PTPRN2: variants seen among roughly 807,000 people sequenced by gnomAD.
The protein encoded by PTPRN2 is protein tyrosine phosphatase receptor type N2.
Under a neutral mutation model 118.8 loss-of-function variants are expected in PTPRN2, and 74 were observed. That is an observed-to-expected ratio of 0.62 (90% confidence interval 0.52 to 0.76). The LOEUF (loss-of-function observed/expected upper bound fraction) is 0.76. PTPRN2 is among the 30% of genes least tolerant of loss of function. The pLI is 0.00. For synonymous variants in PTPRN2, 641 were observed against 608.0 expected, an observed-to-expected ratio of 1.05 and a Z score of -0.80; for missense variants, 1,481 against 1,394.4, an observed-to-expected ratio of 1.06 and a Z score of -0.99.
chr7:157,634,585 T>C lies in PTPRN2; in HGVS notation c.2197-13076A>G, dbSNP rs377488931. Among the ~76,000 whole-genome samples, 162 of 152,284 alleles carry C rather than the reference T, an allele frequency of 1.1e-3. 1 individual carries two copies. The South Asian group carries it at 0.017, about 16-fold the overall frequency. ...GTGCCTGTGTGCACACAGGGCTGCG[T>C]TGTCAATGCATCGCGACCGGGCATG... On this transcript the variant is annotated intron_variant, in intron 14 of 22. Transcript: ENST00000389418.
intron 3 of PTPRN2, among the ~76,000 whole-genome samples, chr7:158,277,022 G>A (rs147067155): frequency 7.1e-4 from 108 of 152,268 alleles, no homozygotes; most frequent in Middle Eastern, 3.4e-3. Context: ...CTGACTGGTC[G>A]GACCCTGCAA....
intron 4 of PTPRN2, among the ~76,000 whole-genome samples, chr7:158,192,933 C>T (rs1201990650): frequency 2.6e-5 from 4 of 152,116 alleles, no homozygotes; most frequent in Non-Finnish European, 5.9e-5. Context: ...AGGAAGGTGG[C>T]GGCCCAGAAG....
chr7:157,810,215 T>C (rs1012846513), intron 12 of PTPRN2, among the ~76,000 whole-genome samples: 3 of 152,252 alleles, frequency 2.0e-5, no homozygotes, highest in Non-Finnish European at 2.9e-5. Flanking sequence ...AAGCAAAGGC[T>C]GCGGACAGTG....
At chr7:157,852,863 C>CAAAA (rs58298308) in intron 12 of PTPRN2, among the ~76,000 whole-genome samples, 3,959 of 102,356 alleles carry the variant, frequency 0.039, 128 homozygotes, top group Middle Eastern at 0.067. Context: ...GCAAGTCTCT[C>CAAAA]AAAAAAAAAA....
At chr7:158,580,592 C>T (rs544420439) in intron 1 of PTPRN2, among the ~76,000 whole-genome samples, 2 of 152,246 alleles carry the variant, frequency 1.3e-5, no homozygotes, top group South Asian at 4.1e-4. Flanking sequence ...GTCCCTGAAC[C>T]AACCCCCTGC....
At position 157,578,880 on chromosome 7, in the gene PTPRN2, T is replaced by G. The variant is rs571752135; in HGVS notation, c.2497-740A>C. On this transcript the variant is annotated intron_variant, in intron 17 of 22. Coordinates refer to ENST00000389418, the MANE Select transcript of PTPRN2 (RefSeq NM_002847.5). ...CCACTAATCCTGTGGGGCACACTGA[T>G]GTGGCATTTGTAGATTTTTATTAGC... Among the ~76,000 whole-genome samples, 177 of 152,374 alleles carry G rather than the reference T, an allele frequency of 1.2e-3. 1 individual carries two copies. Among genetic ancestry groups the G allele is most frequent in the Admixed American group, 5.7e-3 (87 of 15,310 alleles).
At chr7:158,109,235 G>T (rs1236996740) in intron 10 of PTPRN2, among the ~76,000 whole-genome samples, 1 of 150,348 alleles carries the variant, frequency 6.7e-6, no homozygotes, top group Non-Finnish European at 1.5e-5. Context: ...TGTCACCCCT[G>T]TGTGAAGGAG....
chr7:157,810,911 C>T (rs1004289404), intron 12 of PTPRN2, among the ~76,000 whole-genome samples: 2 of 152,116 alleles, frequency 1.3e-5, no homozygotes, highest in African/African-American at 4.8e-5. Flanking sequence ...GCTCTGAAGA[C>T]TGAGCACTGA....
At chr7:157,958,576 AATC>A (rs1350057248) in intron 11 of PTPRN2, among the ~76,000 whole-genome samples, 3 of 152,212 alleles carry the variant, frequency 2.0e-5, no homozygotes, top group African/African-American at 7.2e-5. Context: ...CAGGGTATAA[AATC>A]AATATACAGA....
intron 5 of PTPRN2, among the ~76,000 whole-genome samples, chr7:158,189,741 G>C (rs1465581550): frequency 2.0e-5 from 3 of 152,192 alleles, no homozygotes; most frequent in Non-Finnish European, 4.4e-5. Context: ...CCAGCGTCTG[G>C]GGACGTGACG....
At chr7:157,961,309 A>G (rs1204562298) in intron 11 of PTPRN2, among the ~76,000 whole-genome samples, 1 of 152,104 alleles carries the variant, frequency 6.6e-6, no homozygotes, top group East Asian at 1.9e-4. Flanking sequence ...TGGCAGGTGG[A>G]TCACTTGAGG....
At chr7:158,558,951 G>A (rs1827211279) in intron 1 of PTPRN2, among the ~76,000 whole-genome samples, 2 of 152,004 alleles carry the variant, frequency 1.3e-5, no homozygotes, top group Non-Finnish European at 2.9e-5. Context: ...TTTCCAATGA[G>A]GAGGAGCTGG....
At chr7:157,675,867 G>C (rs962444082) in intron 13 of PTPRN2, among the ~76,000 whole-genome samples, 1 of 152,166 alleles carries the variant, frequency 6.6e-6, no homozygotes, top group Non-Finnish European at 1.5e-5. Context: ...CGCACCCCAG[G>C]GAATGGAAGG....
Position 158,395,764 on chromosome 7 carries a change from GGC to G in PTPRN2, c.164-78834_164-78833del, listed in dbSNP as rs1563241072. Among the ~76,000 whole-genome samples the G allele has an allele frequency of 7.0e-4, 38 of 54,618 alleles. 8 individuals are homozygous for G. The highest frequency in any genetic ancestry group is 9.4e-4 in the Admixed American group (4 of 4,238). The allele number at this position is 54,618 out of a possible 152,430, so 35.8% of individuals were successfully genotyped here. On this transcript the variant is annotated intron_variant, in intron 2 of 22. Coordinates refer to ENST00000389418, the MANE Select transcript of PTPRN2 (RefSeq NM_002847.5). ...GAGGGGCGAGGGGTGAGGCGCGAGG[GGC>G]GAGGGGTGAGGCGCGAGGGGCGAGG...
At chr7:157,975,185 C>T (rs959431973) in intron 11 of PTPRN2, among the ~76,000 whole-genome samples, 7 of 152,116 alleles carry the variant, frequency 4.6e-5, no homozygotes, top group African/African-American at 1.2e-4. Flanking sequence ...CTGCTGTCCA[C>T]GCTGGGGCCC....
chr7:158,287,287 T>G (rs1420825750), intron 3 of PTPRN2, among the ~76,000 whole-genome samples: 2 of 152,108 alleles, frequency 1.3e-5, no homozygotes, highest in South Asian at 2.1e-4. Flanking sequence ...TTAGTTCCAT[T>G]GATCTTTTCT....
chr7:158,142,195 C>T (rs953685239), intron 6 of PTPRN2, among the ~76,000 whole-genome samples: 7 of 152,244 alleles, frequency 4.6e-5, no homozygotes, highest in Non-Finnish European at 1.0e-4. Flanking sequence ...GCAAACCCTG[C>T]GATCCGGAGC....
chr7:157,613,023 C>T (rs759988069), intron 15 of PTPRN2, among the ~76,000 whole-genome samples: 2 of 152,136 alleles, frequency 1.3e-5, no homozygotes, highest in African/African-American at 4.8e-5. Flanking sequence ...GAGGAGGGGC[C>T]GGGGTGCTTC....
At chr7:158,510,723 G>A (rs1054980908) in intron 1 of PTPRN2, among the ~76,000 whole-genome samples, 3 of 152,138 alleles carry the variant, frequency 2.0e-5, no homozygotes, top group African/African-American at 7.2e-5. Flanking sequence ...TAAAAACTGA[G>A]GAAAAGAAGA....
Sources: gnomAD v4.1 joint callset for allele counts (sites outside exome capture counted in the v4.1 genomes callset) on GRCh38, gnomAD v4.1.1 for gene constraint, MANE v1.5 for transcripts, NCBI Gene and HGNC (gene_info 2026-07-23, HGNC 2026-07-21) for gene names.